Variants in SLC25A48 observed in about 807,000 individuals in gnomAD.
The protein encoded by SLC25A48 is CTC-321K16.1.
SLC25A48 carries 29 observed loss-of-function variants against 32.2 expected under a neutral mutation model. That is an observed-to-expected ratio of 0.90 (90% CI 0.67 to 1.23). The LOEUF is 1.23. SLC25A48 is among the 50% of genes most tolerant of loss of function. SLC25A48 has a pLI of 0.00. For synonymous variants in SLC25A48, 164 were observed against 172.3 expected, an observed-to-expected ratio of 0.95 and a Z score of 0.38; for missense variants, 399 against 422.7, an observed-to-expected ratio of 0.94 and a Z score of 0.49.
intron 3 of SLC25A48, among the ~76,000 whole-genome samples, chr5:135,655,124 C>G (rs58797066): frequency 0.058 from 8,808 of 152,022 alleles, 465 homozygotes; most frequent in African/African-American, 0.14. Context: ...AAGCGGGAAG[C>G]GAATCCGAGA....
intron 3 of SLC25A48, among the ~76,000 whole-genome samples, chr5:135,651,929 T>C (rs1461869991): frequency 6.6e-6 from 1 of 152,242 alleles, no homozygotes; most frequent in East Asian, 1.9e-4. Context: ...TGGATCTCTC[T>C]CATAATGGGC....
intron 3 of SLC25A48, among the ~76,000 whole-genome samples, chr5:135,713,595 G>A (rs1429260797): frequency 1.3e-5 from 2 of 152,218 alleles, no homozygotes; most frequent in East Asian, 1.9e-4. Context: ...TAGCTTATAA[G>A]TAGCAGTACC....
At chr5:135,837,680 G>C (rs1248576583) in intron 1 of SLC25A48, among the ~76,000 whole-genome samples, 2 of 151,944 alleles carry the variant, frequency 1.3e-5, no homozygotes, top group Non-Finnish European at 2.9e-5. Flanking sequence ...CTTTATAAAG[G>C]GGAGTTCCCT....
intron 3 of SLC25A48, among the ~76,000 whole-genome samples, chr5:135,711,298 G>A (rs1561458611): frequency 1.3e-5 from 2 of 152,228 alleles, no homozygotes; most frequent in African/African-American, 2.4e-5. Flanking sequence ...GCCAGTCAAA[G>A]AGATAGTCAG....
chr5:135,645,791 C>G (rs1202552282), intron 3 of SLC25A48, among the ~76,000 whole-genome samples: 1 of 152,190 alleles, frequency 6.6e-6, no homozygotes, highest in Admixed American at 6.5e-5. Context: ...AAAGAGAAAA[C>G]TCAGAGACTT....
At chr5:135,594,188 G>A (rs1031407499) in intron 1 of SLC25A48, among the ~76,000 whole-genome samples, 1 of 152,234 alleles carries the variant, frequency 6.6e-6, no homozygotes, top group Non-Finnish European at 1.5e-5. Context: ...GAGGACCTGA[G>A]TATAAAAATC....
intron 3 of SLC25A48, among the ~76,000 whole-genome samples, chr5:135,727,830 G>A (rs1055602720): frequency 1.2e-4 from 18 of 152,094 alleles, no homozygotes; most frequent in African/African-American, 4.3e-4. Flanking sequence ...CAGGGAGAGT[G>A]ATTCTTTCCA....
chr5:135,809,680 C>T (rs1231345384), intron 3 of SLC25A48, among the ~76,000 whole-genome samples: 2 of 152,188 alleles, frequency 1.3e-5, no homozygotes, highest in Non-Finnish European at 2.9e-5. Context: ...CTGATCTGTC[C>T]TCTGTCCATG....
intron 3 of SLC25A48, among the ~76,000 whole-genome samples, chr5:135,658,728 A>G (rs1360743442): frequency 6.6e-6 from 1 of 152,236 alleles, no homozygotes; most frequent in Non-Finnish European, 1.5e-5. Flanking sequence ...GGTGGAGGCT[A>G]GATTTCAAAC....
chr5:135,869,639 T>C (rs1425536618), intron 4 of SLC25A48, among the ~76,000 whole-genome samples: 1 of 152,170 alleles, frequency 6.6e-6, no homozygotes, highest in Non-Finnish European at 1.5e-5. Flanking sequence ...AATTTATACA[T>C]TGGGACAATG....
intron 3 of SLC25A48, among the ~76,000 whole-genome samples, chr5:135,757,412 CTA>C (rs1755941666): frequency 1.3e-5 from 2 of 148,752 alleles, no homozygotes; most frequent in South Asian, 4.4e-4. Flanking sequence ...TGTTAACACA[CTA>C]TGATATTGAT....
chr5:135,631,614 T>G (rs1752573068), intron 2 of SLC25A48, among the ~76,000 whole-genome samples: 1 of 152,246 alleles, frequency 6.6e-6, no homozygotes, highest in Admixed American at 6.5e-5. Flanking sequence ...AACTAATCTG[T>G]CCTGCTCAAC....
At chr5:135,751,865 C>T (rs1190885724) in intron 3 of SLC25A48, among the ~76,000 whole-genome samples, 1 of 152,054 alleles carries the variant, frequency 6.6e-6, no homozygotes, top group Non-Finnish European at 1.5e-5. Flanking sequence ...AAAATAGAGT[C>T]CAGAAATTGT....
At chr5:135,683,764 A>T (rs1753954523) in intron 3 of SLC25A48, among the ~76,000 whole-genome samples, 1 of 152,130 alleles carries the variant, frequency 6.6e-6, no homozygotes, top group Non-Finnish European at 1.5e-5. Context: ...AACACTGAGC[A>T]CTTGAGGTTC....
At chr5:135,879,422 G>A (rs1033187809) in intron 6 of SLC25A48, among the ~76,000 whole-genome samples, 4 of 152,064 alleles carry the variant, frequency 2.6e-5, no homozygotes, top group Non-Finnish European at 4.4e-5. Context: ...ATTGGCCCAA[G>A]TGACTCAATG....
intron 3 of SLC25A48, among the ~76,000 whole-genome samples, chr5:135,790,641 G>A (rs4532359): frequency 0.69 from 99,227 of 143,920 alleles, 34,429 homozygotes; most frequent in Middle Eastern, 0.79. Context: ...ATGTCACAGT[G>A]GGTGTACATC....
intron 1 of SLC25A48, chr5:135,609,524 A>G (rs1752017014): frequency 6.6e-6 from 1 of 152,252 alleles, no homozygotes; most frequent in African/African-American, 2.4e-5. Context: ...TGATTGGAGA[A>G]GCCTCATCTC....
rs746816818 is a variant in SLC25A48, at chr5:135,784,094, ATGT to A, written c.-520-28424_-520-28422del. 8.3e-4 allele frequency among the ~76,000 whole-genome samples: 98 copies of A among 118,028 alleles called. 28 individuals carry two copies. Among genetic ancestry groups the A allele is most frequent in the Non-Finnish European group, 1.6e-3 (76 of 47,674 alleles). The allele number at this position is 118,028 out of a possible 152,430, so 77.4% of individuals were successfully genotyped here. A position where few individuals can be genotyped will look rare whatever the true frequency, so the allele number is the denominator to read the frequency against. On this transcript the variant is annotated intron_variant, in intron 3 of 10. Transcript: ENST00000646290. The stretch of plus-strand genomic sequence containing the variant: ...GCAGGAGGTGTACACCCCACCTGTG[ATGT>A]TGTTCCTAATATCAACAAAGGGAGA...
chr5:135,743,983 T>G (rs1329483387), intron 3 of SLC25A48, among the ~76,000 whole-genome samples: 1 of 152,250 alleles, frequency 6.6e-6, no homozygotes, highest in Non-Finnish European at 1.5e-5. Context: ...TCTTCTCACA[T>G]GCCAAACAAA....
Sources: allele counts gnomAD v4.1 joint callset (sites outside exome capture counted in the v4.1 genomes callset), GRCh38; gene constraint gnomAD v4.1.1; transcripts MANE v1.5; gene names NCBI Gene and HGNC (gene_info 2026-07-23, HGNC 2026-07-21).